Variants in IL20RA observed in about 807,000 individuals in gnomAD.
IL20RA encodes the protein interleukin-20 receptor subunit alpha.
IL20RA carries 29 observed loss-of-function variants against 36.5 expected under a neutral mutation model. The observed-to-expected ratio is 0.79, with a 90% CI of 0.59 to 1.08. The LOEUF is 1.08. IL20RA is among the 50% of genes least tolerant of loss of function. IL20RA has a pLI of 0.00. For missense variants in IL20RA, 652 were observed against 668.4 expected, an observed-to-expected ratio of 0.98 and a Z score of 0.27; for synonymous variants, 279 against 267.1, an observed-to-expected ratio of 1.04 and a Z score of -0.43.
At chr6:137,040,075 C>T (rs1366837106) in intron 1 of IL20RA, among the ~76,000 whole-genome samples, 1 of 152,132 alleles carries the variant, frequency 6.6e-6, no homozygotes, top group Non-Finnish European at 1.5e-5. Context: ...ACGTTTTTCT[C>T]ATAAGAGCAT....
At position 137,008,776 on chromosome 6, in the gene IL20RA, C is replaced by A. The variant is rs1170677759; in HGVS notation, c.580-33G>T. 3 of 1,514,316 alleles carry A rather than the reference C, an allele frequency of 2.0e-6. No homozygotes were observed. The African/African-American group carries it at 4.2e-5, about 21-fold the overall frequency. 93.8% of individuals were successfully genotyped at this position (1,514,316 alleles called of 1,614,324 possible). On this transcript the variant is annotated intron_variant, in intron 4 of 6. Coordinates refer to ENST00000316649, the MANE Select transcript of IL20RA (RefSeq NM_014432.4). ...AGGGAATTGCAAACATTGGTTAGAG[C>A]CAGACATTTCTGGGACCACCCCAGA...
chr6:137,025,768 T>C (rs1172769004), intron 1 of IL20RA, among the ~76,000 whole-genome samples: 1 of 152,232 alleles, frequency 6.6e-6, no homozygotes, highest in East Asian at 1.9e-4. Context: ...AAGTGAATAC[T>C]AGGGTTGCCA....
At chr6:137,037,179 C>T (rs1263135229) in intron 1 of IL20RA, among the ~76,000 whole-genome samples, 2 of 152,144 alleles carry the variant, frequency 1.3e-5, no homozygotes, top group African/African-American at 4.8e-5. Flanking sequence ...CAAGTCTGTA[C>T]AGGACTAAGT....
At chr6:137,013,347 C>T (rs186136884) in intron 2 of IL20RA, among the ~76,000 whole-genome samples, 8 of 152,272 alleles carry the variant, frequency 5.3e-5, no homozygotes. Context: ...AGATTTTCAA[C>T]AAAATAAATG....
intron 4 of IL20RA, 199 bp from the exon 5 acceptor site, chr6:137,008,942 C>T (rs1007505340): frequency 7.8e-6 from 3 of 385,100 alleles, no homozygotes; most frequent in African/African-American, 6.8e-5. Flanking sequence ...TGGTCAGGAA[C>T]TGGACCAATG....
intron 5 of IL20RA, among the ~76,000 whole-genome samples, chr6:137,006,330 C>T (rs1303495293): frequency 2.6e-5 from 4 of 152,214 alleles, no homozygotes; most frequent in South Asian, 2.1e-4. Context: ...CACACAGAGA[C>T]GTGCCAATGC....
intron 1 of IL20RA, among the ~76,000 whole-genome samples, chr6:137,040,661 AAAG>A (rs1776658275): frequency 2.0e-5 from 3 of 152,248 alleles, no homozygotes; most frequent in South Asian, 2.1e-4. Context: ...ATTATAAATG[AAAG>A]AAGAAGACAC....
intron 2 of IL20RA, among the ~76,000 whole-genome samples, chr6:137,015,302 C>T (rs570440535): frequency 6.6e-6 from 1 of 152,206 alleles, no homozygotes; most frequent in East Asian, 1.9e-4. Flanking sequence ...CCAGCATTTT[C>T]CTAAGCTCTG....
rs1188809232 is a variant in IL20RA, at chr6:137,030,070, GTTTTTTTTTTT to G, written c.89-12978_89-12968del. Among the ~76,000 whole-genome samples the G allele has an allele frequency of 4.6e-3, 291 of 62,866 alleles. 4 individuals carry two copies. The highest frequency in any genetic ancestry group is 0.017 in the African/African-American group (261 of 15,420). 41.2% of individuals were successfully genotyped at this position (62,866 alleles called of 152,430 possible). ...GGTGGAAAATGTCAGCGGTTTGCGG[GTTTTTTTTTTT>G]TTTTTTTTTTTTTTTTTGAGACAGG... On this transcript the variant is annotated intron_variant, in intron 1 of 6. Transcript: ENST00000316649.
At chr6:137,044,074 A>T in intron 1 of IL20RA, 1 of 982,042 alleles carries the variant, frequency 1.0e-6, no homozygotes, top group Non-Finnish European at 1.2e-6. Context: ...CGGCGTACCC[A>T]GGACAGGGGG....
intron 5 of IL20RA, among the ~76,000 whole-genome samples, chr6:137,006,896 G>A (rs9494628): frequency 0.055 from 8,342 of 151,942 alleles, 748 homozygotes; most frequent in African/African-American, 0.19. Context: ...GCTAAGTTTC[G>A]TATTTTTAGT....
intron 3 of IL20RA, 64 bp from the exon 4 acceptor site, chr6:137,009,556 C>T: frequency 1.1e-6 from 1 of 930,392 alleles, no homozygotes; most frequent in Non-Finnish European, 1.7e-6. Flanking sequence ...GTAAAGCTAC[C>T]ATATAATCCT....
chr6:137,034,705 C>T (rs1776416818), intron 1 of IL20RA, among the ~76,000 whole-genome samples: 1 of 151,980 alleles, frequency 6.6e-6, no homozygotes, highest in Non-Finnish European at 1.5e-5. Flanking sequence ...CTTTGGGAGG[C>T]CAAGGCGGGC....
chr6:137,016,580 G>A (rs1269094802), intron 2 of IL20RA, among the ~76,000 whole-genome samples: 1 of 152,118 alleles, frequency 6.6e-6, no homozygotes, highest in South Asian at 2.1e-4. Flanking sequence ...TCTATTCACT[G>A]CTATCTTTAA....
chr6:137,044,204 G>C (rs548674714), intron 1 of IL20RA: 5 of 987,080 alleles, frequency 5.1e-6, no homozygotes, highest in Non-Finnish European at 4.8e-6. Flanking sequence ...TGCGGGGCCC[G>C]GCGGCCGAGA....
At chr6:137,038,249 C>G (rs1296962798) in intron 1 of IL20RA, 1 of 96,652 alleles carries the variant, frequency 1.0e-5, no homozygotes, top group African/African-American at 4.2e-5. Context: ...GAGTCTTGCT[C>G]TGTTGCCCGG....
chr6:137,038,213 T>TTTTTTTTTA (rs1776558452), intron 1 of IL20RA: 1 of 124,028 alleles, frequency 8.1e-6, no homozygotes, highest in African/African-American at 3.5e-5. Flanking sequence ...TCCTTTTTTT[T>TTTTTTTTTA]TTTTTTTTTT....
Position 137,009,334 on chromosome 6 carries a change from T to C in IL20RA, c.562A>G (p.Thr188Ala). Reference sequence around the variant, plus strand: ...AGGCTTACCGTTCTGTTTGATTTAGTATTCAACACAGACACGTTATACTTC... The same window carrying C: ...AGGCTTACCGTTCTGTTTGATTTAGCATTCAACACAGACACGTTATACTTC... ...NLKYNVSVLN[T>A]KSNRTWSQCV... Residue 188 changes from threonine (T) to alanine (A), a missense_variant, in exon 4 of 7, where the codon ACT (threonine) becomes GCT (alanine). Thr to Ala is a moderately conservative substitution (Grantham distance 58). Transcript: ENST00000316649. 2.5e-6 allele frequency: 4 copies of C among 1,613,518 alleles called. No homozygotes were observed. Among genetic ancestry groups the C allele is most frequent in the Non-Finnish European group, 1.7e-6 (2 of 1,179,460 alleles).
chr6:137,014,129 T>C (rs1297608373), intron 2 of IL20RA, among the ~76,000 whole-genome samples: 2 of 152,224 alleles, frequency 1.3e-5, no homozygotes, highest in South Asian at 2.1e-4. Context: ...GAGAAACTCC[T>C]TGGAAATGAG....
Sources: gnomAD v4.1 joint callset for allele counts (sites outside exome capture counted in the v4.1 genomes callset) on GRCh38, gnomAD v4.1.1 for gene constraint, MANE v1.5 for transcripts, NCBI Gene and HGNC (gene_info 2026-07-23, HGNC 2026-07-21) for gene names.